Variants in JAK1 observed in about 807,000 individuals in gnomAD.
JAK1 encodes Janus kinase 1, also known as tyrosine-protein kinase JAK1.
Under a neutral mutation model 136.6 loss-of-function variants are expected in JAK1, and 16 were observed. The observed-to-expected ratio is 0.12, with a 90% CI of 0.08 to 0.18. The LOEUF (loss-of-function observed/expected upper bound fraction) is 0.18. JAK1 is among the 10% of genes least tolerant of loss of function. The pLI is 1.00. For missense variants in JAK1, 859 were observed against 1,450.1 expected (o/e 0.59, Z 6.62); for synonymous variants, 492 against 519.5 (o/e 0.95, Z 0.72).
At chr1:64,860,929 CGT>C (rs577274261) in intron 8 of JAK1, among the ~76,000 whole-genome samples, 1,917 of 47,446 alleles carry the variant, frequency 0.04, 115 homozygotes, top group African/African-American at 0.045. Context: ...CCCCTGGGTC[CGT>C]GTGTGTGTGT....
chr1:65,061,435 T>C (rs187153325), intron 1 of JAK1, among the ~76,000 whole-genome samples: 1 of 152,286 alleles, frequency 6.6e-6, no homozygotes, highest in East Asian at 1.9e-4. Context: ...ACAAAAAACA[T>C]GCTACATCCC....
chr1:65,047,355 TATAG>T (rs1290500592), intron 1 of JAK1, among the ~76,000 whole-genome samples: 2 of 152,202 alleles, frequency 1.3e-5, no homozygotes, highest in African/African-American at 2.4e-5. Context: ...TATTTACCTA[TATAG>T]ATTGTTCATT....
chr1:65,002,217 A>G lies in JAK1; in HGVS notation c.-78+42263T>C, dbSNP rs1360970009. ...TATGCACATATATGGGTGTGTATGTATATATTTTACAGCCCATTTGGGCAA... is the reference window on the plus strand; with the variant it reads ...TATGCACATATATGGGTGTGTATGTGTATATTTTACAGCCCATTTGGGCAA... On this transcript the variant is annotated intron_variant, in intron 2 of 25. Transcript: ENST00000671954. 3 of 152,218 alleles carry G rather than the reference A, an allele frequency of 2.0e-5. No individual in the cohort carries two copies. In the East Asian group the frequency reaches 5.8e-4, roughly 29 times the overall value. 9.4% of individuals were successfully genotyped at this position (152,218 alleles called of 1,614,324 possible).
chr1:64,874,451 A>G (rs1364390449), intron 4 of JAK1, among the ~76,000 whole-genome samples: 3 of 152,114 alleles, frequency 2.0e-5, no homozygotes, highest in Admixed American at 6.6e-5. Flanking sequence ...GTTATTGGTA[A>G]GGCTTCCAGT....
At chr1:64,857,040 G>A (rs1655984292) in intron 10 of JAK1, among the ~76,000 whole-genome samples, 1 of 152,168 alleles carries the variant, frequency 6.6e-6, no homozygotes, top group South Asian at 2.1e-4. Context: ...GGCATTTGTG[G>A]TCTAGTGAGG....
intron 1 of JAK1, among the ~76,000 whole-genome samples, chr1:64,886,821 T>TG (rs1644861139): frequency 6.6e-6 from 1 of 152,028 alleles, no homozygotes; most frequent in Non-Finnish European, 1.5e-5. Flanking sequence ...ACAGCTTTCC[T>TG]TGTTGCTTCT....
chr1:65,067,262 C>G (rs1569987587), intron 1 of JAK1, among the ~76,000 whole-genome samples: 1 of 150,560 alleles, frequency 6.6e-6, no homozygotes, highest in South Asian at 2.1e-4. Context: ...GGCGCGCCCT[C>G]GGCCCCCGGC....
At chr1:64,964,860 T>C (rs902525950) in intron 1 of JAK1, among the ~76,000 whole-genome samples, 3 of 152,210 alleles carry the variant, frequency 2.0e-5, no homozygotes, top group Non-Finnish European at 2.9e-5. Flanking sequence ...ACAAAGCATA[T>C]TGTACCAGAA....
At chr1:64,963,510 T>A (rs1173706149) in intron 1 of JAK1, among the ~76,000 whole-genome samples, 1 of 152,094 alleles carries the variant, frequency 6.6e-6, no homozygotes, top group Non-Finnish European at 1.5e-5. Flanking sequence ...TTCGATAATA[T>A]CAAACCATCC....
chr1:65,025,479 A>AGG (rs1474526926), intron 2 of JAK1, among the ~76,000 whole-genome samples: 6 of 152,308 alleles, frequency 3.9e-5, no homozygotes, highest in African/African-American at 1.4e-4. Flanking sequence ...CAAAGAGGTG[A>AGG]GGCCACAGGG....
chr1:64,839,152 A>G (rs1408678273), intron 20 of JAK1, among the ~76,000 whole-genome samples: 1 of 151,350 alleles, frequency 6.6e-6, no homozygotes, highest in African/African-American at 2.4e-5. Context: ...TCTCAAAAAA[A>G]AAAAAAAAAA....
rs999141968 is a variant in JAK1, at chr1:64,912,163, A to G, written c.-77-25822T>C. On this transcript the variant is annotated intron_variant, in intron 1 of 24. Transcript: ENST00000342505. ...GAATTCCAATCCTTACCCTACATCCATCAGGGTCTCCGAGGCTGGAACCCA... is the reference window on the plus strand; with the variant it reads ...GAATTCCAATCCTTACCCTACATCCGTCAGGGTCTCCGAGGCTGGAACCCA... Among the ~76,000 whole-genome samples the G allele has an allele frequency of 4.6e-5, 7 of 152,274 alleles. No homozygotes were observed. The South Asian group carries it at 1.4e-3, about 32-fold the overall frequency.
intron 7 of JAK1, among the ~76,000 whole-genome samples, chr1:64,866,465 AT>A (rs1463207442): frequency 6.6e-6 from 1 of 152,198 alleles, no homozygotes; most frequent in Non-Finnish European, 1.5e-5. Flanking sequence ...CCTTGGGCAA[AT>A]TTCTTAACTT....
At chr1:64,944,657 C>T (rs2100539678) in intron 1 of JAK1, among the ~76,000 whole-genome samples, 1 of 152,080 alleles carries the variant, frequency 6.6e-6, no homozygotes, top group African/African-American at 2.4e-5. Flanking sequence ...TATATCACTA[C>T]TGAAAGATGT....
chr1:64,857,284 C>G (rs778999913), intron 10 of JAK1, among the ~76,000 whole-genome samples: 3 of 152,226 alleles, frequency 2.0e-5, no homozygotes, highest in Non-Finnish European at 4.4e-5. Flanking sequence ...AGGCATAGCT[C>G]TGGGTCTGAG....
At chr1:64,879,822 C>A (rs749051238) in intron 3 of JAK1, among the ~76,000 whole-genome samples, 3 of 152,144 alleles carry the variant, frequency 2.0e-5, no homozygotes, top group Admixed American at 6.5e-5. Context: ...TGCTCCCCTG[C>A]CTCTCCACTC....
intron 2 of JAK1, among the ~76,000 whole-genome samples, chr1:64,996,737 A>G (rs1326006322): frequency 6.6e-6 from 1 of 152,226 alleles, no homozygotes; most frequent in Non-Finnish European, 1.5e-5. Context: ...AAAATTGCTG[A>G]ATTCACATAA....
intron 7 of JAK1, among the ~76,000 whole-genome samples, chr1:64,865,409 C>T (rs1557646377): frequency 6.6e-6 from 1 of 152,180 alleles, no homozygotes; most frequent in Non-Finnish European, 1.5e-5. Context: ...TGTAACAGTA[C>T]TCAAGTCGGG....
chr1:64,987,330 G>A (rs1646609487), intron 2 of JAK1: 1 of 152,204 alleles, frequency 6.6e-6, no homozygotes, highest in South Asian at 2.1e-4. Context: ...GCAGCCATAG[G>A]CATTCTGTAA....
Sources: gnomAD v4.1 joint callset for allele counts (sites outside exome capture counted in the v4.1 genomes callset) on GRCh38, gnomAD v4.1.1 for gene constraint, MANE v1.5 for transcripts, NCBI Gene and HGNC (gene_info 2026-07-23, HGNC 2026-07-21) for gene names.